The following PHACTR3 variants were observed in gnomAD, a reference collection of about 807,000 sequenced individuals.
The protein encoded by PHACTR3 is protein phosphatase 1, regulatory subunit 123.
Under a neutral mutation model 66.8 loss-of-function variants are expected in PHACTR3, and 16 were observed. The ratio of observed to expected loss-of-function variants is 0.24; its 90% confidence interval spans 0.16 to 0.36. The LOEUF is 0.36. Among genes scored for constraint, PHACTR3 ranks in the 10% least tolerant of loss-of-function variants. The pLI, the probability that PHACTR3 is intolerant of heterozygous loss-of-function variation, is 1.00. For synonymous variants in PHACTR3, 323 were observed against 292.1 expected, an observed-to-expected ratio of 1.11 and a Z score of -1.08; for missense variants, 647 against 719.9, an observed-to-expected ratio of 0.90 and a Z score of 1.16.
At chr20:59,579,915 G>T (rs1009007537) in intron 1 of PHACTR3, among the ~76,000 whole-genome samples, 1 of 152,164 alleles carries the variant, frequency 6.6e-6, no homozygotes, top group Non-Finnish European at 1.5e-5. Flanking sequence ...GAGACTGGCC[G>T]GAGGCTTCTG....
At chr20:59,651,415 G>A (rs1485945181) in intron 1 of PHACTR3, among the ~76,000 whole-genome samples, 1 of 152,184 alleles carries the variant, frequency 6.6e-6, no homozygotes, top group East Asian at 1.9e-4. Context: ...TATAAAAATA[G>A]AACATTTAAA....
chr20:59,699,410 T>C (rs1401660971), intron 1 of PHACTR3, among the ~76,000 whole-genome samples: 1 of 152,172 alleles, frequency 6.6e-6, no homozygotes, highest in Non-Finnish European at 1.5e-5. Flanking sequence ...GGACATACCT[T>C]TTTATGCTAT....
chr20:59,706,264 C>T (rs6027053), intron 1 of PHACTR3, among the ~76,000 whole-genome samples: 13,882 of 152,120 alleles, frequency 0.091, 1,969 homozygotes, highest in African/African-American at 0.3. Context: ...GGAACTCTGT[C>T]CTAGTTAATG....
Position 59,605,009 on chromosome 20 carries a change from G to T in PHACTR3, c.-6G>T. Reference sequence around the variant, plus strand: ...GCTCTAACTTGCCCCCGCGCCGGCCGGGCCCATGGCCGCGTCGGAGGACGG... The same window carrying T: ...GCTCTAACTTGCCCCCGCGCCGGCCTGGCCCATGGCCGCGTCGGAGGACGG... On this transcript the variant is annotated 5_prime_UTR_variant, in exon 1 of 13. Coordinates refer to ENST00000371015, the MANE Select transcript of PHACTR3 (RefSeq NM_080672.5). 1 of 1,316,816 alleles carries T rather than the reference G, an allele frequency of 7.6e-7. No individual in the cohort carries two copies. The highest frequency in any genetic ancestry group is 9.7e-7 in the Non-Finnish European group (1 of 1,026,556). The allele number at this position is 1,316,816 out of a possible 1,614,324, so 81.6% of individuals were successfully genotyped here.
chr20:59,710,448 A>G (rs1461303349), intron 1 of PHACTR3, among the ~76,000 whole-genome samples: 1 of 152,142 alleles, frequency 6.6e-6, no homozygotes, highest in Non-Finnish European at 1.5e-5. Flanking sequence ...CTGGGGCTCA[A>G]AGCATCATCG....
Position 59,840,081 on chromosome 20 carries a change from TAAAC to T in PHACTR3, c.1385-282_1385-279del, listed in dbSNP as rs1218574806. ...ACAGACACAGAGGTGTCTACTTCCT[TAAAC>T]AAACAGCAGCCATATCTGTGGTTGT... On this transcript the variant is annotated intron_variant, in intron 9 of 12. Coordinates refer to ENST00000371015, the MANE Select transcript of PHACTR3 (RefSeq NM_080672.5). 3.9e-5 allele frequency among the ~76,000 whole-genome samples: 6 copies of T among 152,338 alleles called. No homozygotes were observed. The East Asian group carries it at 7.7e-4, about 20-fold the overall frequency.
At chr20:59,606,761 T>TG (rs1297339287) in intron 1 of PHACTR3, among the ~76,000 whole-genome samples, 1 of 152,022 alleles carries the variant, frequency 6.6e-6, no homozygotes, top group Non-Finnish European at 1.5e-5. Context: ...GTTGGGCAGG[T>TG]GGTGCCGGTC....
chr20:59,643,320 T>A (rs1322784199), intron 1 of PHACTR3, among the ~76,000 whole-genome samples: 1 of 152,020 alleles, frequency 6.6e-6, no homozygotes, highest in Non-Finnish European at 1.5e-5. Flanking sequence ...ATTTGTAGTA[T>A]TTTTTTTCCC....
At chr20:59,776,507 CG>C (rs2040542904) in intron 7 of PHACTR3, among the ~76,000 whole-genome samples, 1 of 84,346 alleles carries the variant, frequency 1.2e-5, no homozygotes, top group South Asian at 3.6e-4. Flanking sequence ...ACCAGCCACA[CG>C]GGGAGGATAG....
chr20:59,679,923 G>A (rs1328804335), intron 1 of PHACTR3, among the ~76,000 whole-genome samples: 3 of 152,118 alleles, frequency 2.0e-5, no homozygotes, highest in Non-Finnish European at 4.4e-5. Context: ...GAAGAGATTT[G>A]GGTGGGGACA....
At position 59,821,979 on chromosome 20, in the gene PHACTR3, C is replaced by CAATCCCACCCCTTCCCCA. The variant is rs1434273645; in HGVS notation, c.1329-14526_1329-14525insAATCCCACCCCTTCCCCA. On this transcript the variant is annotated intron_variant, in intron 8 of 12. Coordinates refer to ENST00000371015, the MANE Select transcript of PHACTR3 (RefSeq NM_080672.5). Reference sequence around the variant, plus strand: ...CCCAGCAATCCTACCCTTTCTGCAGCGATCCCACCCCTTCCCCAGCAATCC... The same window carrying CAATCCCACCCCTTCCCCA: ...CCCAGCAATCCTACCCTTTCTGCAGCAATCCCACCCCTTCCCCAGATCCCACCCCTTCCCCAGCAATCC... Among the ~76,000 whole-genome samples the CAATCCCACCCCTTCCCCA allele has an allele frequency of 1.8e-4, 27 of 148,658 alleles. 1 individual carries two copies. Among genetic ancestry groups the CAATCCCACCCCTTCCCCA allele is most frequent in the African/African-American group, 6.7e-4 (27 of 40,360 alleles).
At chr20:59,654,548 T>C (rs867525051) in intron 1 of PHACTR3, among the ~76,000 whole-genome samples, 15 of 152,224 alleles carry the variant, frequency 9.9e-5, no homozygotes, top group African/African-American at 3.6e-4. Context: ...TAATATGTAA[T>C]TGGAAATATA....
Position 59,847,354 on chromosome 20 carries a change from T to TA in PHACTR3, c.*224_*225insA, listed in dbSNP as rs2059169394. On this transcript the variant is annotated 3_prime_UTR_variant, in exon 13 of 13. Coordinates refer to ENST00000371015, the MANE Select transcript of PHACTR3 (RefSeq NM_080672.5). ...TTGGTGTCTGAGGAGTGTGAACTGT[T>TA]GGGGTCAGTTAAGACCCAACATAAC... The TA allele has an allele frequency of 2.4e-5, 10 of 421,984 alleles. No individual in the cohort carries two copies. The highest frequency in any genetic ancestry group is 3.5e-5 in the Non-Finnish European group (8 of 227,404). 26.1% of individuals were successfully genotyped at this position (421,984 alleles called of 1,614,324 possible). A position where few individuals can be genotyped will look rare whatever the true frequency, so the allele number is the denominator to read the frequency against.
intron 1 of PHACTR3, among the ~76,000 whole-genome samples, chr20:59,659,370 CTTTTTTTTTTT>C (rs757895372): frequency 1.1e-3 from 100 of 92,768 alleles, no homozygotes; most frequent in African/African-American, 3.7e-3. Flanking sequence ...GGGTCTGGGA[CTTTTTTTTTTT>C]TTTTTTTTTT....
chr20:59,763,020 T>C (rs1448771313), intron 4 of PHACTR3, among the ~76,000 whole-genome samples: 1 of 152,164 alleles, frequency 6.6e-6, no homozygotes, highest in Non-Finnish European at 1.5e-5. Context: ...ATGGTTTCGC[T>C]GTGTCCCCAC....
chr20:59,650,759 A>G (rs1396235710), intron 1 of PHACTR3, among the ~76,000 whole-genome samples: 1 of 151,292 alleles, frequency 6.6e-6, no homozygotes, highest in African/African-American at 2.4e-5. Context: ...AAAAAAAAAA[A>G]AAGTCTCAGG....
At chr20:59,582,839 C>T (rs1475053598) in intron 1 of PHACTR3, among the ~76,000 whole-genome samples, 23 of 152,112 alleles carry the variant, frequency 1.5e-4, no homozygotes, top group Admixed American at 1.4e-3. Flanking sequence ...TGCAAATATT[C>T]GTGTCCTGTC....
chr20:59,803,287 CAT>C (rs1490778227), intron 7 of PHACTR3, among the ~76,000 whole-genome samples: 8 of 152,152 alleles, frequency 5.3e-5, no homozygotes, highest in East Asian at 3.9e-4. Flanking sequence ...TTGCTGTAAA[CAT>C]GTGGTTAATT....
At chr20:59,772,507 C>T (rs1235391908) in intron 5 of PHACTR3, among the ~76,000 whole-genome samples, 1 of 152,090 alleles carries the variant, frequency 6.6e-6, no homozygotes, top group Admixed American at 6.5e-5. Flanking sequence ...CATGGCCTCT[C>T]TAAGGAAATG....
Sources: gnomAD v4.1 joint callset for allele counts (sites outside exome capture counted in the v4.1 genomes callset) on GRCh38, gnomAD v4.1.1 for gene constraint, MANE v1.5 for transcripts, NCBI Gene and HGNC (gene_info 2026-07-23, HGNC 2026-07-21) for gene names.